The following RTKN2 variants were observed in gnomAD, a reference collection of about 807,000 sequenced individuals.
The protein encoded by RTKN2 is rhotekin-2.
RTKN2 carries 69 observed loss-of-function variants against 71.5 expected under a neutral mutation model. That is an observed-to-expected ratio of 0.96 (90% CI 0.79 to 1.18). The LOEUF (loss-of-function observed/expected upper bound fraction) is 1.18. Among genes scored for constraint, RTKN2 ranks in the 50% most tolerant of loss-of-function variants. The pLI is 0.00. For synonymous variants in RTKN2, 236 were observed against 236.5 expected, an observed-to-expected ratio of 1.00 and a Z score of 0.02; for missense variants, 724 against 719.7, an observed-to-expected ratio of 1.01 and a Z score of -0.07.
intron 2 of RTKN2, among the ~76,000 whole-genome samples, chr10:62,261,226 G>A (rs1333215508): frequency 1.3e-5 from 2 of 152,178 alleles, no homozygotes; most frequent in African/African-American, 4.8e-5. Flanking sequence ...ACTGACATTT[G>A]TTGAGTACTA....
At chr10:62,203,773 G>C (rs1298432297) in intron 10 of RTKN2, among the ~76,000 whole-genome samples, 1 of 152,192 alleles carries the variant, frequency 6.6e-6, no homozygotes, top group African/African-American at 2.4e-5. Context: ...GGCCATGGAG[G>C]GAACCCTCTA....
At chr10:62,233,163 C>A (rs1842186206) in intron 6 of RTKN2, among the ~76,000 whole-genome samples, 1 of 152,090 alleles carries the variant, frequency 6.6e-6, no homozygotes, top group Non-Finnish European at 1.5e-5. Flanking sequence ...AACTTTTCTA[C>A]CATATAGTGT....
chr10:62,192,519 A>G (rs978125090), downstream of RTKN2, among the ~76,000 whole-genome samples: 5 of 152,248 alleles, frequency 3.3e-5, no homozygotes, highest in African/African-American at 1.2e-4. Flanking sequence ...TTTCCGAATC[A>G]GCTGACCTGG....
chr10:62,214,286 G>A (rs1314564128), intron 9 of RTKN2, among the ~76,000 whole-genome samples: 2 of 151,834 alleles, frequency 1.3e-5, no homozygotes, highest in African/African-American at 2.4e-5. Context: ...TATGTACAAC[G>A]GAAGAGATAA....
At chr10:62,212,078 C>T (rs754628052) in intron 9 of RTKN2, among the ~76,000 whole-genome samples, 4 of 148,416 alleles carry the variant, frequency 2.7e-5, no homozygotes, top group Admixed American at 6.9e-5. Flanking sequence ...CCACCCTGGG[C>T]AACATGGTGA....
Position 62,198,091 on chromosome 10 carries a change from C to A in RTKN2, c.1647G>T (p.Met549Ile). 2 of 1,614,098 alleles carry A rather than the reference C, an allele frequency of 1.2e-6. No homozygotes were observed. Among genetic ancestry groups the A allele is most frequent in the East Asian group, 4.5e-5 (2 of 44,876 alleles). ...SSLDTKLSTL[M>I]HHLQKPMAAP... Reference sequence around the variant, plus strand: ...CAGCCATTGGTTTCTGTAAGTGATGCATTAGAGTTGATAGTTTGGTATCCA... The same window carrying A: ...CAGCCATTGGTTTCTGTAAGTGATGAATTAGAGTTGATAGTTTGGTATCCA... The change falls in exon 12 of 12, where the codon ATG (methionine) becomes ATT (isoleucine). Residue 549 changes from methionine to isoleucine, a missense_variant. Physicochemically the swap from Met to Ile is conservative, Grantham distance 10. Transcript: ENST00000373789.
chr10:62,188,942 G>T (rs756507596), downstream of RTKN2, among the ~76,000 whole-genome samples: 3 of 151,584 alleles, frequency 2.0e-5, no homozygotes, highest in African/African-American at 7.3e-5. Context: ...AGAGACGGGG[G>T]ATTCACCATG....
intron 10 of RTKN2, 31 bp downstream of exon 10, chr10:62,204,826 C>T (rs567153692): frequency 2.0e-6 from 3 of 1,492,376 alleles, no homozygotes; most frequent in East Asian, 2.4e-5. Flanking sequence ...TACATAAATA[C>T]ACAACTAAAA....
At chr10:62,252,246 G>C (rs74156144) in intron 2 of RTKN2, among the ~76,000 whole-genome samples, 210 of 152,118 alleles carry the variant, frequency 1.4e-3, no homozygotes, top group African/African-American at 4.8e-3. Context: ...ATTTACAAAG[G>C]AAAGAAAATG....
At position 62,198,379 on chromosome 10, in the gene RTKN2, T is replaced by G. The variant is rs768775629; in HGVS notation, c.1359A>C (p.Thr453=). 2 of 1,599,280 alleles carry G rather than the reference T, an allele frequency of 1.3e-6. No individual in the cohort carries two copies. Among genetic ancestry groups the G allele is most frequent in the African/African-American group, 2.7e-5 (2 of 74,098 alleles). The stretch of plus-strand genomic sequence containing the variant: ...GCTGACCAATAAGGAACTGCCCATT[T>G]GTCTCTTCAATTTTTTTTTGTATTA... ...TDIIQKKIEE[T]NGQFLIGQHE... The change falls in exon 12 of 12, where the codon ACA becomes ACC. Residue 453 remains threonine (T), a synonymous_variant. Coordinates refer to ENST00000373789, the MANE Select transcript of RTKN2 (RefSeq NM_145307.4).
At chr10:62,245,259 T>C (rs1842455825) in intron 3 of RTKN2, among the ~76,000 whole-genome samples, 1 of 152,088 alleles carries the variant, frequency 6.6e-6, no homozygotes, top group African/African-American at 2.4e-5. Flanking sequence ...GAAACATCCT[T>C]TCTAGTTGGA....
chr10:62,193,109 T>G lies in RTKN2; in HGVS notation c.*4799A>C, dbSNP rs1252501303. Reference sequence around the variant, plus strand: ...AATTCAGTTAAATGTTTATTAAGATTAAGTTCTACAAAAATGCATCCATTC... The same window carrying G: ...AATTCAGTTAAATGTTTATTAAGATGAAGTTCTACAAAAATGCATCCATTC... On this transcript the variant is annotated 3_prime_UTR_variant, in exon 12 of 12. Transcript: ENST00000373789. 1 of 495,988 alleles carries G rather than the reference T, an allele frequency of 2.0e-6. No individual in the cohort carries two copies. The highest frequency in any genetic ancestry group is 2.6e-6 in the Non-Finnish European group (1 of 382,938). The allele number at this position is 495,988 out of a possible 1,614,324, so 30.7% of individuals were successfully genotyped here.
At chr10:62,268,013 A>C (rs1002767034) in intron 1 of RTKN2, among the ~76,000 whole-genome samples, 1 of 152,208 alleles carries the variant, frequency 6.6e-6, no homozygotes, top group Non-Finnish European at 1.5e-5. Context: ...TTTCCTTTCA[A>C]ATGATTTGAG....
intron 2 of RTKN2, 129 bp from the exon 3 acceptor site, chr10:62,246,186 G>A (rs1249181383): frequency 1.7e-6 from 1 of 600,364 alleles, no homozygotes; most frequent in Non-Finnish European, 2.9e-6. Flanking sequence ...TCCAGTTAAT[G>A]TAAACTATTT....
chr10:62,201,576 A>C (rs1218505278), intron 10 of RTKN2, among the ~76,000 whole-genome samples: 7 of 152,254 alleles, frequency 4.6e-5, no homozygotes, highest in Admixed American at 2.0e-4. Flanking sequence ...AGGGGCAGGA[A>C]AAAAACCCAT....
intron 2 of RTKN2, among the ~76,000 whole-genome samples, chr10:62,251,731 C>T (rs1229686392): frequency 6.6e-6 from 1 of 151,990 alleles, no homozygotes; most frequent in Non-Finnish European, 1.5e-5. Flanking sequence ...AACCAGGAAT[C>T]TAAAATCCAA....
chr10:62,265,221 G>C (rs1011741787), intron 1 of RTKN2, among the ~76,000 whole-genome samples: 8 of 151,956 alleles, frequency 5.3e-5, no homozygotes, highest in African/African-American at 1.9e-4. Context: ...TTAGAGCAAG[G>C]GTCAGAAAAC....
At chr10:62,249,841 C>T (rs1289593637) in intron 2 of RTKN2, among the ~76,000 whole-genome samples, 2 of 152,022 alleles carry the variant, frequency 1.3e-5, no homozygotes, top group African/African-American at 2.4e-5. Flanking sequence ...ATATTTTTGG[C>T]CTCAGTATTT....
In RTKN2 at chr10:62,194,268, C is replaced by T. The variant is rs1299446205; in HGVS notation, c.*3640G>A. On this transcript the variant is annotated 3_prime_UTR_variant, in exon 12 of 12. Transcript: ENST00000373789. ...CTTTCCCAGAGTTAACTAAGAACAT[C>T]TATGATCCAGAATATGCAGATTTCA... 1 of 984,604 alleles carries T rather than the reference C, an allele frequency of 1.0e-6. No homozygotes were observed. Among genetic ancestry groups the T allele is most frequent in the Non-Finnish European group, 1.2e-6 (1 of 829,348 alleles). 61.0% of individuals were successfully genotyped at this position (984,604 alleles called of 1,614,324 possible). A position where few individuals can be genotyped will look rare whatever the true frequency, so the allele number is the denominator to read the frequency against.
Sources: gnomAD v4.1 joint callset for allele counts (sites outside exome capture counted in the v4.1 genomes callset) on GRCh38, gnomAD v4.1.1 for gene constraint, MANE v1.5 for transcripts, NCBI Gene and HGNC (gene_info 2026-07-23, HGNC 2026-07-21) for gene names.